Variants in RANBP2 observed in about 807,000 individuals in gnomAD.
RANBP2 encodes RAN binding protein 2.
In RANBP2, 57 loss-of-function variants were observed where a neutral mutation model predicts 303.6. The observed-to-expected ratio is 0.19, with a 90% CI of 0.15 to 0.23. RANBP2 has a LOEUF of 0.23. RANBP2 is among the 10% of genes least tolerant of loss of function. RANBP2 has a pLI of 1.00. For synonymous variants in RANBP2, 1,167 were observed against 1,301.5 expected (o/e 0.90, Z 2.23); for missense variants, 3,138 against 3,780.8 (o/e 0.83, Z 4.46).
the RANBP2 span, among the ~76,000 whole-genome samples, chr2:109,608,875 G>A: frequency 1.3e-5 from 2 of 152,156 alleles, no homozygotes; most frequent in Non-Finnish European, 2.9e-5. Flanking sequence ...AAAGCTTTGC[G>A]CATCAGGCAT....
the RANBP2 span, among the ~76,000 whole-genome samples, chr2:109,278,544 C>T: frequency 6.6e-6 from 1 of 152,202 alleles, no homozygotes; most frequent in Non-Finnish European, 1.5e-5. Context: ...ACTGGAATGT[C>T]GGGCCCCAAT....
chr2:109,427,858 A>C, the RANBP2 span, among the ~76,000 whole-genome samples: 1 of 152,258 alleles, frequency 6.6e-6, no homozygotes, highest in African/African-American at 2.4e-5. Context: ...GAAGAGGCGA[A>C]GGCAGCAGTG....
At chr2:108,740,122 T>C (rs1695956607) in intron 6 of RANBP2, among the ~76,000 whole-genome samples, 1 of 152,214 alleles carries the variant, frequency 6.6e-6, no homozygotes, top group Non-Finnish European at 1.5e-5. Context: ...TTTGAGAAAT[T>C]ACAACTGTTA....
chr2:109,142,311 T>C, the RANBP2 span, among the ~76,000 whole-genome samples: 1 of 152,192 alleles, frequency 6.6e-6, no homozygotes, highest in East Asian at 1.9e-4. Context: ...TACAGTCTTA[T>C]TTTTTCTTAA....
chr2:109,630,787 T>C, the RANBP2 span, among the ~76,000 whole-genome samples: 18 of 152,308 alleles, frequency 1.2e-4, no homozygotes, highest in Middle Eastern at 3.4e-3. Flanking sequence ...AGATTGAGGC[T>C]GGGCGCGGTG....
the RANBP2 span, among the ~76,000 whole-genome samples, chr2:108,898,132 C>T: frequency 6.6e-6 from 1 of 152,184 alleles, no homozygotes; most frequent in Non-Finnish European, 1.5e-5. Flanking sequence ...TCTATTCCAG[C>T]CAAACATCAC....
the RANBP2 span, among the ~76,000 whole-genome samples, chr2:109,206,037 T>A: frequency 6.6e-6 from 1 of 152,332 alleles, no homozygotes; most frequent in South Asian, 2.1e-4. Flanking sequence ...GAACTGTCAC[T>A]TGTACCCTGA....
chr2:108,851,839 A>C, the RANBP2 span, among the ~76,000 whole-genome samples: 8 of 152,204 alleles, frequency 5.3e-5, no homozygotes, highest in African/African-American at 1.9e-4. Context: ...ATATATATAT[A>C]TCATAACACC....
the RANBP2 span, among the ~76,000 whole-genome samples, chr2:109,597,194 G>C: frequency 6.6e-6 from 1 of 152,136 alleles, no homozygotes; most frequent in African/African-American, 2.4e-5. Flanking sequence ...GTCTGCCTCA[G>C]CCTCCCAAAG....
At chr2:109,613,409 G>C in the RANBP2 span, 1 of 324,776 alleles carries the variant, frequency 3.1e-6, no homozygotes, top group Non-Finnish European at 6.2e-6. Flanking sequence ...AGGGAGGCTC[G>C]GAAGTGCTCA....
chr2:109,078,457 G>A, the RANBP2 span, among the ~76,000 whole-genome samples: 1 of 148,390 alleles, frequency 6.7e-6, no homozygotes, highest in Non-Finnish European at 1.5e-5. Context: ...AATAAAAGAT[G>A]AATACATAGA....
At chr2:109,232,544 G>A in the RANBP2 span, among the ~76,000 whole-genome samples, 1 of 152,188 alleles carries the variant, frequency 6.6e-6, no homozygotes, top group Non-Finnish European at 1.5e-5. Context: ...ATGCTGTAAT[G>A]TTCAATAAGC....
At chr2:109,355,334 A>T in the RANBP2 span, among the ~76,000 whole-genome samples, 2 of 152,186 alleles carry the variant, frequency 1.3e-5, no homozygotes, top group African/African-American at 4.8e-5. Flanking sequence ...ACTCTTGGTG[A>T]TGCCTGTGGT....
At chr2:108,821,046 G>A in the RANBP2 span, among the ~76,000 whole-genome samples, 1 of 152,172 alleles carries the variant, frequency 6.6e-6, no homozygotes, top group Non-Finnish European at 1.5e-5. Context: ...TATGTTAGGG[G>A]TTAATACAAC....
chr2:109,034,270 CAAAA>C, the RANBP2 span, among the ~76,000 whole-genome samples: 1 of 38,094 alleles, frequency 2.6e-5, no homozygotes, highest in Non-Finnish European at 4.1e-5. Flanking sequence ...GACTCCATCT[CAAAA>C]AAAAAAAAAA....
At chr2:109,509,849 A>C in the RANBP2 span, among the ~76,000 whole-genome samples, 1 of 152,296 alleles carries the variant, frequency 6.6e-6, no homozygotes, top group African/African-American at 2.4e-5. Flanking sequence ...AATTCAGCCC[A>C]TGTGCCTGTG....
chr2:109,410,595 G>A, the RANBP2 span, among the ~76,000 whole-genome samples: 3 of 152,232 alleles, frequency 2.0e-5, no homozygotes, highest in East Asian at 5.8e-4. Flanking sequence ...CATCCTGCCC[G>A]AGGGAGGGAT....
At chr2:109,507,719 T>C in the RANBP2 span, among the ~76,000 whole-genome samples, 1 of 152,216 alleles carries the variant, frequency 6.6e-6, no homozygotes, top group African/African-American at 2.4e-5. Flanking sequence ...TGGCAGCAGC[T>C]GTTTGTCCAG....
the RANBP2 span, among the ~76,000 whole-genome samples, chr2:109,007,906 C>T: frequency 7.0e-4 from 107 of 152,306 alleles, no homozygotes; most frequent in African/African-American, 2.4e-3. Flanking sequence ...CTGTTAGCAG[C>T]TTGCTGGGAG....
Sources: allele counts gnomAD v4.1 joint callset (sites outside exome capture counted in the v4.1 genomes callset), GRCh38; gene constraint gnomAD v4.1.1; transcripts MANE v1.5; gene names NCBI Gene and HGNC (gene_info 2026-07-23, HGNC 2026-07-21).